The following CHRM3 variants were observed in gnomAD, a reference collection of about 807,000 sequenced individuals.
The protein encoded by CHRM3 is cholinergic receptor muscarinic 3, also known as muscarinic acetylcholine receptor M3.
CHRM3 carries 11 observed loss-of-function variants against 41.8 expected under a neutral mutation model. The observed-to-expected ratio is 0.26, with a 90% CI of 0.17 to 0.44. The LOEUF (loss-of-function observed/expected upper bound fraction) is 0.44, where lower values mean the gene tolerates loss of function less well. Ranked by LOEUF, CHRM3 falls within the 20% of genes least tolerant of loss-of-function variation. The pLI is 1.00. For synonymous variants in CHRM3, 297 were observed against 301.4 expected (o/e 0.99, Z 0.15); for missense variants, 571 against 745.4 (o/e 0.77, Z 2.72).
At chr1:239,456,920 G>C (rs1014302154) in intron 1 of CHRM3, among the ~76,000 whole-genome samples, 10 of 152,214 alleles carry the variant, frequency 6.6e-5, no homozygotes, top group Non-Finnish European at 1.5e-4. Flanking sequence ...CACAGGAGCT[G>C]CACTTGACAG....
intron 5 of CHRM3, among the ~76,000 whole-genome samples, chr1:239,761,879 C>T (rs976335360): frequency 3.9e-5 from 6 of 152,322 alleles, no homozygotes; most frequent in African/African-American, 1.4e-4. Context: ...CCTGCTGACT[C>T]TAGCCCCCTT....
chr1:239,576,575 TACACACACACACACACACGCAC>T (rs1215362203), intron 3 of CHRM3, among the ~76,000 whole-genome samples: 1 of 131,596 alleles, frequency 7.6e-6, no homozygotes, highest in Admixed American at 8.6e-5. Flanking sequence ...ACATCATCTC[TACACACACACACACACACGCAC>T]ACACACACAC....
At chr1:239,608,955 A>G (rs1034190969) in intron 3 of CHRM3, among the ~76,000 whole-genome samples, 1 of 152,158 alleles carries the variant, frequency 6.6e-6, no homozygotes, top group Non-Finnish European at 1.5e-5. Context: ...GAGTTGATTT[A>G]TGGCTTTTTT....
At position 239,604,616 on chromosome 1, in the gene CHRM3, A is replaced by C. The variant is rs760936920; in HGVS notation, c.-312-27608A>C. Among the ~76,000 whole-genome samples, 8 of 152,336 alleles carry C rather than the reference A, an allele frequency of 5.3e-5. No individual in the cohort carries two copies. In the East Asian group the frequency reaches 1.3e-3, roughly 26 times the overall value. The stretch of plus-strand genomic sequence containing the variant: ...GTGGCAACTGCCCTCCGTAATGGAC[A>C]GACCCTGGATCTCTAGAGGCTGGCA... On this transcript the variant is annotated intron_variant, in intron 3 of 6. Transcript: ENST00000676153.
At chr1:239,621,879 G>A (rs78604105) in intron 3 of CHRM3, among the ~76,000 whole-genome samples, 5,859 of 124,184 alleles carry the variant, frequency 0.047, 139 homozygotes, top group Middle Eastern at 0.13. Flanking sequence ...CCTTCTGCTG[G>A]AAGAAGATGC....
At chr1:239,876,449 G>A (rs1219007647) in intron 6 of CHRM3, among the ~76,000 whole-genome samples, 6 of 152,314 alleles carry the variant, frequency 3.9e-5, no homozygotes, top group African/African-American at 1.4e-4. Context: ...CTTATGGAAG[G>A]CCCTAACTGG....
chr1:239,676,607 A>G (rs964832800), intron 4 of CHRM3, among the ~76,000 whole-genome samples: 2 of 152,186 alleles, frequency 1.3e-5, no homozygotes, highest in Non-Finnish European at 2.9e-5. Flanking sequence ...GAACCCTGGC[A>G]TCACAGCTCT....
At chr1:239,789,417 T>C (rs1407326423) in intron 5 of CHRM3, among the ~76,000 whole-genome samples, 2 of 152,192 alleles carry the variant, frequency 1.3e-5, no homozygotes, top group African/African-American at 4.8e-5. Flanking sequence ...TTTGCATTGC[T>C]ATAAAGGCGT....
chr1:239,863,511 G>T (rs1424009284), intron 6 of CHRM3, among the ~76,000 whole-genome samples: 2 of 152,116 alleles, frequency 1.3e-5, no homozygotes, highest in Non-Finnish European at 2.9e-5. Flanking sequence ...GCCCCTCAAT[G>T]GTCATCCCAT....
chr1:239,491,247 T>A (rs1162242462), intron 1 of CHRM3, among the ~76,000 whole-genome samples: 1 of 152,234 alleles, frequency 6.6e-6, no homozygotes, highest in Non-Finnish European at 1.5e-5. Flanking sequence ...TAAATTGTTT[T>A]ATTATAGTCA....
intron 2 of CHRM3, among the ~76,000 whole-genome samples, chr1:239,518,116 G>GACAACA (rs932041245): frequency 6.6e-6 from 1 of 151,878 alleles, no homozygotes; most frequent in Non-Finnish European, 1.5e-5. Flanking sequence ...AAAAAACAAC[G>GACAACA]ACAACAACAA....
chr1:239,895,124 A>G (rs1342045433), intron 6 of CHRM3, among the ~76,000 whole-genome samples: 1 of 152,222 alleles, frequency 6.6e-6, no homozygotes, highest in Non-Finnish European at 1.5e-5. Context: ...GTGTTTACGG[A>G]GAACTCACCT....
intron 5 of CHRM3, among the ~76,000 whole-genome samples, chr1:239,789,075 G>C (rs1033937139): frequency 2.6e-5 from 4 of 152,080 alleles, no homozygotes; most frequent in Non-Finnish European, 4.4e-5. Context: ...CCATCCTTTG[G>C]CTTCACCATG....
At position 239,742,281 on chromosome 1, in the gene CHRM3, G is replaced by A. The variant is rs950694373; in HGVS notation, c.-147+63993G>A. On this transcript the variant is annotated intron_variant, in intron 5 of 6. Transcript: ENST00000676153. ...CACCAAAATGTAGTGACTTAAAGCA[G>A]TAACCATTGCTCGTATTTCTTCAGT... 1.2e-4 allele frequency among the ~76,000 whole-genome samples: 15 copies of A among 121,736 alleles called. No homozygotes were observed. In the Admixed American group the frequency reaches 1.3e-3, roughly 10 times the overall value. 79.9% of individuals were successfully genotyped at this position (121,736 alleles called of 152,430 possible).
chr1:239,857,973 A>G (rs1675263115), intron 6 of CHRM3, among the ~76,000 whole-genome samples: 1 of 152,154 alleles, frequency 6.6e-6, no homozygotes, highest in Non-Finnish European at 1.5e-5. Flanking sequence ...GAATTAATTG[A>G]CATATATTAT....
chr1:239,753,047 C>T (rs1289542899), intron 5 of CHRM3, among the ~76,000 whole-genome samples: 1 of 152,090 alleles, frequency 6.6e-6, no homozygotes, highest in East Asian at 1.9e-4. Context: ...GGGTAATCTG[C>T]CTCAGGTAGA....
chr1:239,565,056 C>T (rs1054720330), intron 3 of CHRM3, among the ~76,000 whole-genome samples: 5 of 152,212 alleles, frequency 3.3e-5, no homozygotes, highest in South Asian at 2.1e-4. Flanking sequence ...CTCCAGTCTC[C>T]GCTTCCATAT....
intron 5 of CHRM3, chr1:239,707,127 A>G (rs1473683579): frequency 1.3e-5 from 2 of 152,186 alleles, no homozygotes; most frequent in Admixed American, 1.3e-4. Flanking sequence ...GTTAACATCT[A>G]TGTAAGGTGG....
chr1:239,811,322 G>T (rs1254382253), intron 5 of CHRM3, among the ~76,000 whole-genome samples: 2 of 152,204 alleles, frequency 1.3e-5, no homozygotes, highest in Non-Finnish European at 2.9e-5. Context: ...AAGACCCATT[G>T]TCTCCCATGC....
Sources: allele counts gnomAD v4.1 joint callset (sites outside exome capture counted in the v4.1 genomes callset), GRCh38; gene constraint gnomAD v4.1.1; transcripts MANE v1.5; gene names NCBI Gene and HGNC (gene_info 2026-07-23, HGNC 2026-07-21).